The following LMLN variants were observed in gnomAD, a reference collection of about 807,000 sequenced individuals.
LMLN encodes the protein leishmanolysin like peptidase.
A neutral mutation model predicts 92.3 loss-of-function variants in LMLN; 70 were observed. The ratio of observed to expected loss-of-function variants is 0.76; its 90% CI spans 0.63 to 0.92. The LOEUF (loss-of-function observed/expected upper bound fraction) is 0.92. Among genes scored for constraint, LMLN ranks in the 40% least tolerant of loss-of-function variants. LMLN has a pLI of 0.00. For missense variants in LMLN, 691 were observed against 814.6 expected (o/e 0.85, Z 1.85); for synonymous variants, 308 against 296.2 (o/e 1.04, Z -0.41).
chr3:197,971,944 C>CTTTTTTTTGTTT (rs1721236003), intron 1 of LMLN, among the ~76,000 whole-genome samples: 1 of 81,218 alleles, frequency 1.2e-5, no homozygotes, highest in Non-Finnish European at 2.4e-5. Flanking sequence ...AGTCTCTGTT[C>CTTTTTTTTGTTT]TTTTTTTTTT....
At chr3:197,980,419 G>A (rs774324121) in exon 6 of LMLN, 13 of 1,611,598 alleles carry the variant, frequency 8.1e-6, no homozygotes, top group South Asian at 7.7e-5. Context: ...TGTTCTTTAC[G>A]TTGGTGCTCT....
chr3:197,971,499 A>G (rs780431225), intron 1 of LMLN, among the ~76,000 whole-genome samples: 3 of 152,392 alleles, frequency 2.0e-5, no homozygotes, highest in Non-Finnish European at 4.4e-5. Context: ...GCCAAACCAT[A>G]TAAAATGTGT....
rs539444239 is a variant in LMLN at position 197,979,549 on chromosome 3, G to GGCTCA, written c.550-776_550-772dup. ...AAAAAATTTTTAGGCTGGGTGCAGT[G>GGCTCA]GCTCATGCCTGTAATCCCAGCACTT... is the stretch of plus-strand genomic sequence containing the variant. On this transcript the variant is annotated intron_variant, in intron 5 of 15. Transcript: ENST00000330198. Among the ~76,000 whole-genome samples the GGCTCA allele has an allele frequency of 2.9e-3, 443 of 152,258 alleles. 1 individual carries two copies. Among genetic ancestry groups the GGCTCA allele is most frequent in the Non-Finnish European group, 5.5e-3 (376 of 68,022 alleles).
At chr3:198,043,007 T>G (rs1383625450) in exon 16 of LMLN, 3 of 152,214 alleles carry the variant, frequency 2.0e-5, no homozygotes, top group Non-Finnish European at 1.5e-5. Context: ...AAATTATGCT[T>G]GCAGTTACTC....
intron 9 of LMLN, 59 bp downstream of exon 9, chr3:197,990,735 C>G (rs1240561141): frequency 2.6e-6 from 2 of 782,502 alleles, no homozygotes; most frequent in Admixed American, 2.0e-5. Context: ...TTACTGTGGT[C>G]CTTTCTTTAC....
At chr3:198,007,554 C>T (rs1359233741) in intron 11 of LMLN, among the ~76,000 whole-genome samples, 2 of 152,188 alleles carry the variant, frequency 1.3e-5, no homozygotes, top group Non-Finnish European at 2.9e-5. Flanking sequence ...ATCCATGTGT[C>T]CATGCCTTCA....
intron 11 of LMLN, among the ~76,000 whole-genome samples, chr3:198,000,260 T>C (rs1345326839): frequency 6.6e-6 from 1 of 152,170 alleles, no homozygotes; most frequent in East Asian, 1.9e-4. Flanking sequence ...GCTGCTTTAG[T>C]GGAAGCGTTG....
rs374037221 is a variant in LMLN, at chr3:198,036,541, C to T, written c.1867+498C>T. Among the ~76,000 whole-genome samples the T allele has an allele frequency of 1.4e-4, 21 of 151,916 alleles. No individual in the cohort carries two copies. In the South Asian group the frequency reaches 1.9e-3, roughly 14 times the overall value. ...CAGAGAGATGTGGGCTGGCAAAGAC[C>T]GGGGGGTTCATTGAGGAATAGGACC... On this transcript the variant is annotated intron_variant, in intron 15 of 15. Transcript: ENST00000330198.
Position 197,967,949 on chromosome 3 carries a change from A to G in LMLN, c.220-6428A>G, listed in dbSNP as rs1033386506. 7.2e-5 allele frequency among the ~76,000 whole-genome samples: 11 copies of G among 152,190 alleles called. No individual in the cohort carries two copies. In the East Asian group the frequency reaches 1.3e-3, roughly 19 times the overall value. Reference sequence around the variant, plus strand: ...GAAAAATATGGCTGTATTCTGCCCAACTCCTTAGGCAGTCACACCTTATGG... The same window carrying G: ...GAAAAATATGGCTGTATTCTGCCCAGCTCCTTAGGCAGTCACACCTTATGG... On this transcript the variant is annotated intron_variant, in intron 1 of 15. Coordinates refer to ENST00000330198, the Ensembl canonical transcript of LMLN.
chr3:197,983,437 G>A (rs1721612982), intron 6 of LMLN, among the ~76,000 whole-genome samples: 1 of 152,168 alleles, frequency 6.6e-6, no homozygotes, highest in African/African-American at 2.4e-5. Context: ...GGAAGAAGAT[G>A]ATGGGATGGT....
Position 198,020,768 on chromosome 3 carries a change from A to ATTG in LMLN, c.1366-676_1366-675insGTT, listed in dbSNP as rs1722756549. On this transcript the variant is annotated intron_variant, in intron 12 of 15. Coordinates refer to ENST00000330198, the Ensembl canonical transcript of LMLN. The stretch of plus-strand genomic sequence containing the variant: ...GCCACCACACCCAGCTAATTTTTGT[A>ATTG]TTTTTTTTTTTTTTTTTTTTTTTTT... Among the ~76,000 whole-genome samples the ATTG allele has an allele frequency of 4.1e-3, 134 of 32,848 alleles. 24 individuals are homozygous for ATTG. The highest frequency in any genetic ancestry group is 0.014 in the African/African-American group (113 of 8,320). 21.5% of individuals were successfully genotyped at this position (32,848 alleles called of 152,430 possible). A position where few individuals can be genotyped will look rare whatever the true frequency, so the allele number is the denominator to read the frequency against.
intron 1 of LMLN, among the ~76,000 whole-genome samples, chr3:197,969,396 T>G (rs535898100): frequency 6.6e-6 from 1 of 152,230 alleles, no homozygotes; most frequent in South Asian, 2.1e-4. Context: ...CCCACAAATA[T>G]TAACTTGTAA....
chr3:198,022,711 C>G (rs1029762998), intron 13 of LMLN, among the ~76,000 whole-genome samples: 1 of 152,108 alleles, frequency 6.6e-6, no homozygotes, highest in African/African-American at 2.4e-5. Context: ...AAAAAATTAG[C>G]CAGGTGTGAT....
At chr3:197,999,195 C>T in intron 10 of LMLN, 71 bp from the exon 11 acceptor site, 1 of 1,049,684 alleles carries the variant, frequency 9.5e-7, no homozygotes, top group South Asian at 1.3e-5. Context: ...ATATGTATAT[C>T]AGAGGAATTG....
chr3:198,026,977 C>T (rs1722950271), intron 14 of LMLN, among the ~76,000 whole-genome samples: 1 of 152,088 alleles, frequency 6.6e-6, no homozygotes, highest in Admixed American at 6.5e-5. Flanking sequence ...AGTACACTCT[C>T]CTGTGAGTGC....
At chr3:198,033,422 A>T (rs1175958311) in intron 14 of LMLN, among the ~76,000 whole-genome samples, 1 of 150,828 alleles carries the variant, frequency 6.6e-6, no homozygotes, top group Non-Finnish European at 1.5e-5. Context: ...TATTTTTATT[A>T]TCTTTTTTTT....
chr3:197,972,325 A>G (rs755295768), intron 1 of LMLN, among the ~76,000 whole-genome samples: 1 of 152,036 alleles, frequency 6.6e-6, no homozygotes, highest in Non-Finnish European at 1.5e-5. Context: ...CAGCCTCCCA[A>G]AGTGCTGGGA....
chr3:197,975,830 T>G (rs777169025), intron 3 of LMLN, among the ~76,000 whole-genome samples, 199 bp from the exon 4 acceptor site: 5 of 152,202 alleles, frequency 3.3e-5, no homozygotes, highest in Admixed American at 6.5e-5. Context: ...TTTCCCAAGC[T>G]GAACTAGAAA....
chr3:198,038,043 G>A (rs919922627), intron 15 of LMLN, among the ~76,000 whole-genome samples: 11 of 148,330 alleles, frequency 7.4e-5, no homozygotes, highest in African/African-American at 2.2e-4. Context: ...CTGTCTGCCT[G>A]TTGTCGTTAT....
Sources: gnomAD v4.1 joint callset for allele counts (sites outside exome capture counted in the v4.1 genomes callset) on GRCh38, gnomAD v4.1.1 for gene constraint, MANE v1.5 for transcripts, NCBI Gene and HGNC (gene_info 2026-07-23, HGNC 2026-07-21) for gene names.